Variants in SLC2A10 observed in about 807,000 individuals in gnomAD.
SLC2A10 encodes the protein solute carrier family 2, facilitated glucose transporter member 10.
SLC2A10 carries 25 observed loss-of-function variants against 32.1 expected under a neutral mutation model. That is an observed-to-expected ratio of 0.78 (90% CI 0.57 to 1.09). The LOEUF (loss-of-function observed/expected upper bound fraction) is 1.09, where lower values mean the gene tolerates loss of function less well. SLC2A10 is among the 50% of genes least tolerant of loss of function. SLC2A10 has a pLI of 0.00. For synonymous variants in SLC2A10, 332 were observed against 309.6 expected (o/e 1.07, Z -0.76); for missense variants, 673 against 686.5 (o/e 0.98, Z 0.22).
chr20:46,710,868 T>C (rs1012790902), intron 1 of SLC2A10, among the ~76,000 whole-genome samples: 1 of 151,442 alleles, frequency 6.6e-6, no homozygotes, highest in Non-Finnish European at 1.5e-5. Flanking sequence ...GTGACCTGAA[T>C]TATCTTTTCT....
At chr20:46,716,090 T>G (rs1385473750) in intron 1 of SLC2A10, among the ~76,000 whole-genome samples, 1 of 152,026 alleles carries the variant, frequency 6.6e-6, no homozygotes, top group Non-Finnish European at 1.5e-5. Flanking sequence ...TTTACCCCCC[T>G]GATGATCACT....
intron 1 of SLC2A10, among the ~76,000 whole-genome samples, chr20:46,717,019 TA>T (rs997573615): frequency 6.6e-6 from 1 of 151,000 alleles, no homozygotes; most frequent in East Asian, 1.9e-4. Flanking sequence ...TAAGACTGTC[TA>T]AAAAAAAAGA....
In SLC2A10 at chr20:46,726,237, C is replaced by T. The variant is rs772657003; in HGVS notation, c.1201C>T (p.Pro401Ser). Reference sequence around the variant, plus strand: ...CTCTGCCCTCCCTGGGCCCCCTCTGCCCGCTCGGGGGCATGCACTGCTGCG... The same window carrying T: ...CTCTGCCCTCCCTGGGCCCCCTCTGTCCGCTCGGGGGCATGCACTGCTGCG... ...LSSALPGPPL[P>S]ARGHALLRWT... The change falls in exon 2 of 5, where the codon CCC (proline) becomes TCC (serine). Residue 401 changes from proline (P) to serine (S), a missense_variant. Coordinates refer to ENST00000359271, the MANE Select transcript of SLC2A10 (RefSeq NM_030777.4). 29 of 1,613,672 alleles carry T rather than the reference C, an allele frequency of 1.8e-5. No individual in the cohort carries two copies. In the Admixed American group the frequency reaches 4.3e-4, roughly 24 times the overall value.
chr20:46,723,709 C>T (rs1293796761), intron 1 of SLC2A10, among the ~76,000 whole-genome samples: 1 of 152,184 alleles, frequency 6.6e-6, no homozygotes, highest in Admixed American at 6.5e-5. Flanking sequence ...ATTTCTCCTG[C>T]CTCATCATCT....
At position 46,725,281 on chromosome 20, in the gene SLC2A10, A is replaced by G. The variant is rs756242525; in HGVS notation, c.245A>G (p.Asn82Ser). 5.0e-6 allele frequency: 8 copies of G among 1,614,166 alleles called. No homozygotes were observed. In the South Asian group the frequency reaches 7.7e-5, roughly 16 times the overall value. Residue 82 changes from asparagine to serine, a missense_variant, in exon 2 of 5, where the codon AAC becomes AGC. Transcript: ENST00000359271. ...YGRKQAILGS[N>S]LVLLAGSLTL... ...AGGAAGCAAGCCATCCTCGGGAGCA[A>G]CTTGGTGCTGCTGGCAGGCAGCCTG... is the stretch of plus-strand genomic sequence containing the variant.
At chr20:46,714,558 G>T (rs1362344929) in intron 1 of SLC2A10, 1 of 152,746 alleles carries the variant, frequency 6.5e-6, no homozygotes, top group Non-Finnish European at 1.5e-5. Context: ...CTTTCCTTGG[G>T]GAACAAGGAC....
intron 3 of SLC2A10, among the ~76,000 whole-genome samples, chr20:46,727,669 T>C (rs1344056849): frequency 1.3e-5 from 2 of 152,078 alleles, no homozygotes; most frequent in African/African-American, 2.4e-5. Flanking sequence ...CTCCCTAGCA[T>C]TGAAACCCAT....
At chr20:46,728,131 T>G (rs1980078198) in intron 3 of SLC2A10, among the ~76,000 whole-genome samples, 1 of 151,530 alleles carries the variant, frequency 6.6e-6, no homozygotes, top group African/African-American at 2.4e-5. Context: ...AGGAAGGAAT[T>G]TATTAGAATT....
chr20:46,732,617 G>A (rs1249145662), intron 4 of SLC2A10, among the ~76,000 whole-genome samples: 2 of 152,132 alleles, frequency 1.3e-5, no homozygotes, highest in East Asian at 3.8e-4. Flanking sequence ...AACAGCTATG[G>A]GTGCATTTGT....
chr20:46,724,001 A>G (rs1979700552), intron 1 of SLC2A10, among the ~76,000 whole-genome samples: 1 of 152,154 alleles, frequency 6.6e-6, no homozygotes, highest in Admixed American at 6.5e-5. Context: ...AACACCAAGA[A>G]CTGTCCTACC....
intron 2 of SLC2A10, 85 bp downstream of exon 2, chr20:46,726,409 G>C: frequency 6.5e-7 from 1 of 1,545,092 alleles, no homozygotes; most frequent in African/African-American, 1.4e-5. Flanking sequence ...CTGATGACCT[G>C]GCAGGGTGTC....
Position 46,725,827 on chromosome 20 carries a change from A to G in SLC2A10, c.791A>G (p.His264Arg), listed in dbSNP as rs758500354. 4.3e-6 allele frequency: 7 copies of G among 1,614,198 alleles called. No homozygotes were observed. The South Asian group carries it at 7.7e-5, about 18-fold the overall frequency. The change falls in exon 2 of 5, where the codon CAT becomes CGT. Residue 264 changes from histidine (H) to arginine (R), a missense_variant. Physicochemically the swap from His to Arg is conservative, Grantham distance 29. Coordinates refer to ENST00000359271, the MANE Select transcript of SLC2A10 (RefSeq NM_030777.4). ...ASTIFSSVGF[H>R]GGSSAVLASV... ...ACCATCTTCAGCTCCGTTGGTTTCC[A>G]TGGGGGATCCTCAGCCGTGCTGGCC... is the stretch of plus-strand genomic sequence containing the variant.
At chr20:46,724,426 A>G (rs1159460432) in intron 1 of SLC2A10, among the ~76,000 whole-genome samples, 1 of 152,124 alleles carries the variant, frequency 6.6e-6, no homozygotes, top group Non-Finnish European at 1.5e-5. Context: ...AGATAGACTG[A>G]TCAACAAATT....
In SLC2A10 at chr20:46,725,059, T is replaced by TG; in HGVS notation, c.24dup (p.Pro9AlafsTer17). The TG allele has an allele frequency of 6.2e-7, 1 of 1,614,264 alleles. No individual in the cohort carries two copies. Among genetic ancestry groups the TG allele is most frequent in the Non-Finnish European group, 8.5e-7 (1 of 1,180,048 alleles). ...TTTTTAGGCCACTCCCCACCTGTCC[T>TG]GCCTTTGTGTGCCTCTGTGTCTTTG... On this transcript the variant is annotated frameshift_variant, in exon 2 of 5. Coordinates refer to ENST00000359271, the MANE Select transcript of SLC2A10 (RefSeq NM_030777.4). LOFTEE classifies it high-confidence loss of function.
At chr20:46,709,766 C>G (rs1275088749) in intron 1 of SLC2A10, 26 bp downstream of exon 1, 1 of 1,547,096 alleles carries the variant, frequency 6.5e-7, no homozygotes, top group African/African-American at 1.4e-5. Context: ...GCGCTGCCTG[C>G]TGGAAGCCCG....
At chr20:46,732,216 G>A (rs747221086) in intron 4 of SLC2A10, among the ~76,000 whole-genome samples, 2 of 152,148 alleles carry the variant, frequency 1.3e-5, no homozygotes, top group South Asian at 4.1e-4. Flanking sequence ...ATTGGTTGCC[G>A]AAATGTTGTT....
chr20:46,709,753 CG>C lies in SLC2A10; in HGVS notation c.4+16del. 1 of 1,547,614 alleles carries C rather than the reference CG, an allele frequency of 6.5e-7. No homozygotes were observed. Among genetic ancestry groups the C allele is most frequent in the Middle Eastern group, 1.9e-4 (1 of 5,230 alleles). Reference sequence around the variant, plus strand: ...CCGCTCGCCATGGGTAAGTCCCGATCGGGCGCTGCCTGCTGGAAGCCCGACC... The same window carrying C: ...CCGCTCGCCATGGGTAAGTCCCGATCGGCGCTGCCTGCTGGAAGCCCGACC... On this transcript the variant is annotated intron_variant, in intron 1 of 4. Transcript: ENST00000359271.
At chr20:46,732,597 C>G (rs1980354759) in intron 4 of SLC2A10, among the ~76,000 whole-genome samples, 1 of 152,174 alleles carries the variant, frequency 6.6e-6, no homozygotes, top group African/African-American at 2.4e-5. Context: ...GTTTCTTTAG[C>G]TAGGGTGCAA....
In SLC2A10 at chr20:46,736,092, A is replaced by G. The variant is rs1244830078; in HGVS notation, c.*2258A>G. On this transcript the variant is annotated 3_prime_UTR_variant, in exon 5 of 5. Transcript: ENST00000359271. ...AAGGTTTGGCAAAAAAAAAAATATTAACAAAATATTCTGTAAGAATCAATT... is the reference window on the plus strand; with the variant it reads ...AAGGTTTGGCAAAAAAAAAAATATTGACAAAATATTCTGTAAGAATCAATT... 6.6e-6 allele frequency: 1 copy of G among 152,220 alleles called. No individual in the cohort carries two copies. Among genetic ancestry groups the G allele is most frequent in the African/African-American group, 2.4e-5 (1 of 41,452 alleles). The allele number at this position is 152,220 out of a possible 1,614,324, so 9.4% of individuals were successfully genotyped here. A position where few individuals can be genotyped will look rare whatever the true frequency, so the allele number is the denominator to read the frequency against.
Sources: allele counts gnomAD v4.1 joint callset (sites outside exome capture counted in the v4.1 genomes callset), GRCh38; gene constraint gnomAD v4.1.1; transcripts MANE v1.5; gene names NCBI Gene and HGNC (gene_info 2026-07-23, HGNC 2026-07-21).